ST6GALNAC3: variants seen among roughly 807,000 people sequenced by gnomAD.
The protein encoded by ST6GALNAC3 is alpha-N-acetylgalactosaminide alpha-2,6-sialyltransferase 3.
ST6GALNAC3 carries 25 observed loss-of-function variants against 32.7 expected under a neutral mutation model. The observed-to-expected ratio is 0.76, with a 90% CI of 0.56 to 1.07. ST6GALNAC3 has a LOEUF of 1.07. Ranked by LOEUF, ST6GALNAC3 falls within the 50% of genes least tolerant of loss-of-function variation. The pLI is 0.00. For missense variants in ST6GALNAC3, 355 were observed against 382.4 expected, an observed-to-expected ratio of 0.93 and a Z score of 0.60; for synonymous variants, 129 against 133.1, an observed-to-expected ratio of 0.97 and a Z score of 0.21.
At chr1:76,502,453 C>A (rs551193986) in intron 3 of ST6GALNAC3, among the ~76,000 whole-genome samples, 1 of 152,158 alleles carries the variant, frequency 6.6e-6, no homozygotes, top group Non-Finnish European at 1.5e-5. Flanking sequence ...TGGATGTCAG[C>A]AGAGTTGGTT....
intron 1 of ST6GALNAC3, among the ~76,000 whole-genome samples, chr1:76,229,983 C>T (rs1656281143): frequency 6.6e-6 from 1 of 152,122 alleles, no homozygotes; most frequent in Admixed American, 6.6e-5. Flanking sequence ...CAAACATTAT[C>T]CTCAAAAGAT....
chr1:76,189,467 T>C (rs1253068602), intron 1 of ST6GALNAC3, among the ~76,000 whole-genome samples: 1 of 151,990 alleles, frequency 6.6e-6, no homozygotes, highest in Non-Finnish European at 1.5e-5. Context: ...GACAAGGGAG[T>C]GAACTATGGA....
chr1:76,462,132 A>G (rs1658319078), intron 3 of ST6GALNAC3, among the ~76,000 whole-genome samples: 1 of 152,022 alleles, frequency 6.6e-6, no homozygotes, highest in Admixed American at 6.6e-5. Context: ...CCAGCCTGTA[A>G]ACTTCTTGAG....
At chr1:76,515,370 A>C (rs185159529) in intron 3 of ST6GALNAC3, among the ~76,000 whole-genome samples, 9 of 152,206 alleles carry the variant, frequency 5.9e-5, no homozygotes, top group Admixed American at 5.9e-4. Context: ...TCTTTAAAAA[A>C]ACCAACTCTT....
chr1:76,428,083 C>T (rs1418870477), intron 3 of ST6GALNAC3, among the ~76,000 whole-genome samples: 2 of 152,062 alleles, frequency 1.3e-5, no homozygotes, highest in African/African-American at 2.4e-5. Context: ...GGACCTACAT[C>T]CAGCCCCTTG....
At chr1:76,554,119 T>G (rs968666232) in intron 3 of ST6GALNAC3, among the ~76,000 whole-genome samples, 15 of 152,202 alleles carry the variant, frequency 9.9e-5, no homozygotes, top group African/African-American at 3.6e-4. Context: ...CCCTTCATCA[T>G]GTAGAACATA....
intron 1 of ST6GALNAC3, among the ~76,000 whole-genome samples, chr1:76,121,008 A>G (rs1440299963): frequency 6.6e-6 from 1 of 152,062 alleles, no homozygotes; most frequent in Non-Finnish European, 1.5e-5. Flanking sequence ...TGCTTTCATC[A>G]TCACATCTCC....
chr1:76,313,484 A>G (rs927458087), intron 1 of ST6GALNAC3, among the ~76,000 whole-genome samples: 2 of 152,080 alleles, frequency 1.3e-5, no homozygotes, highest in Non-Finnish European at 2.9e-5. Context: ...GAGCAATTAG[A>G]AAAGGTTTCC....
chr1:76,520,559 A>G (rs447118), intron 3 of ST6GALNAC3, among the ~76,000 whole-genome samples: 20,869 of 151,882 alleles, frequency 0.14, 1,581 homozygotes, highest in Middle Eastern at 0.2. Context: ...CTTCACTACT[A>G]CTTCTGATCT....
At chr1:76,452,626 AC>A (rs1258695095) in intron 3 of ST6GALNAC3, among the ~76,000 whole-genome samples, 6 of 152,160 alleles carry the variant, frequency 3.9e-5, no homozygotes, top group Non-Finnish European at 5.9e-5. Flanking sequence ...CTGGTATGGA[AC>A]CCACTTGATC....
Position 76,631,701 on chromosome 1 carries a change from A to G in ST6GALNAC3, c.*2895A>G, listed in dbSNP as rs1378345221. 6.6e-6 allele frequency: 1 copy of G among 152,130 alleles called. No individual in the cohort carries two copies. The highest frequency in any genetic ancestry group is 1.5e-5 in the Non-Finnish European group (1 of 67,996). The allele number at this position is 152,130 out of a possible 1,614,324, so 9.4% of individuals were successfully genotyped here. A position where few individuals can be genotyped will look rare whatever the true frequency, so the allele number is the denominator to read the frequency against. On this transcript the variant is annotated 3_prime_UTR_variant, in exon 5 of 5. Transcript: ENST00000328299. ...TAATTAATATCTGTGAAAAATAAAAATATTTCAATACTATCCGTGCTTCTT... is the reference window on the plus strand; with the variant it reads ...TAATTAATATCTGTGAAAAATAAAAGTATTTCAATACTATCCGTGCTTCTT...
At chr1:76,280,541 C>T (rs928454558) in intron 1 of ST6GALNAC3, among the ~76,000 whole-genome samples, 3 of 152,264 alleles carry the variant, frequency 2.0e-5, no homozygotes, top group East Asian at 3.9e-4. Flanking sequence ...GTTACACATA[C>T]CTATTGCTGC....
chr1:76,302,246 G>A (rs1570746716), intron 1 of ST6GALNAC3, among the ~76,000 whole-genome samples: 1 of 152,072 alleles, frequency 6.6e-6, no homozygotes, highest in South Asian at 2.1e-4. Context: ...GGTCACCTGG[G>A]GTCACTACCA....
At chr1:76,117,308 A>G (rs1393937048) in intron 1 of ST6GALNAC3, among the ~76,000 whole-genome samples, 1 of 152,230 alleles carries the variant, frequency 6.6e-6, no homozygotes, top group Non-Finnish European at 1.5e-5. Flanking sequence ...CTCATCTCAT[A>G]TTTCCCAAGA....
chr1:76,286,761 C>T (rs1048573907), intron 1 of ST6GALNAC3, among the ~76,000 whole-genome samples: 1 of 152,228 alleles, frequency 6.6e-6, no homozygotes, highest in African/African-American at 2.4e-5. Context: ...AGTGTCCTGG[C>T]TCTAGACCTA....
chr1:76,183,390 G>A (rs964300794), intron 1 of ST6GALNAC3, among the ~76,000 whole-genome samples: 3 of 152,000 alleles, frequency 2.0e-5, no homozygotes, highest in African/African-American at 7.3e-5. Context: ...GGCTTTTTAT[G>A]GGGAAGGTTG....
intron 1 of ST6GALNAC3, among the ~76,000 whole-genome samples, chr1:76,154,500 G>A (rs1651264476): frequency 6.6e-6 from 1 of 152,208 alleles, no homozygotes; most frequent in Admixed American, 6.5e-5. Flanking sequence ...AACGCCTGTT[G>A]CAAATGAAGC....
chr1:76,263,554 A>T (rs1658363588), intron 1 of ST6GALNAC3, among the ~76,000 whole-genome samples: 1 of 152,198 alleles, frequency 6.6e-6, no homozygotes, highest in South Asian at 2.1e-4. Context: ...ACGAAGAAAG[A>T]AGATCATTGA....
chr1:76,419,047 A>G (rs763312103), intron 3 of ST6GALNAC3, among the ~76,000 whole-genome samples: 64 of 144,320 alleles, frequency 4.4e-4, no homozygotes, highest in Non-Finnish European at 8.1e-4. Flanking sequence ...CCTCATGTGC[A>G]CACACACACA....
Sources: allele counts gnomAD v4.1 joint callset (sites outside exome capture counted in the v4.1 genomes callset), GRCh38; gene constraint gnomAD v4.1.1; transcripts MANE v1.5; gene names NCBI Gene and HGNC (gene_info 2026-07-23, HGNC 2026-07-21).